The following RPL10A variants were observed in gnomAD, a reference collection of about 807,000 sequenced individuals.
RPL10A encodes large ribosomal subunit protein uL1.
In RPL10A, 11 loss-of-function variants were observed where a neutral mutation model predicts 24.6. The observed-to-expected ratio is 0.45, with a 90% CI of 0.28 to 0.74. The LOEUF (loss-of-function observed/expected upper bound fraction) is 0.74, where lower values mean the gene tolerates loss of function less well. Among genes scored for constraint, RPL10A ranks in the 30% least tolerant of loss-of-function variants. RPL10A has a pLI of 0.13. For synonymous variants in RPL10A, 98 were observed against 108.5 expected (o/e 0.90, Z 0.60); for missense variants, 136 against 273.1 (o/e 0.50, Z 3.54).
intron 3 of RPL10A, 27 bp from the exon 4 acceptor site, chr6:35,469,354 C>G (rs1767974368): frequency 1.3e-6 from 2 of 1,579,808 alleles, no homozygotes; most frequent in Admixed American, 1.9e-5. Context: ...TAGGCGTAAC[C>G]TGTTGGTGCT....
At chr6:35,469,615 A>G in intron 4 of RPL10A, 86 bp downstream of exon 4, 3 of 1,432,328 alleles carry the variant, frequency 2.1e-6, no homozygotes, top group Non-Finnish European at 1.9e-6. Context: ...TTTTTAAATG[A>G]TGAGGGGCCT....
At chr6:35,469,913 G>C (rs1158849953) in intron 4 of RPL10A, among the ~76,000 whole-genome samples, 1 of 152,156 alleles carries the variant, frequency 6.6e-6, no homozygotes, top group East Asian at 1.9e-4. Flanking sequence ...AGGCAGTCTT[G>C]ACCAGAGCAT....
Position 35,470,629 on chromosome 6 carries a change from A to C in RPL10A, c.533A>C (p.Glu178Ala). The C allele has an allele frequency of 6.2e-7, 1 of 1,613,890 alleles. No individual in the cohort carries two copies. Among genetic ancestry groups the C allele is most frequent in the East Asian group, 2.2e-5 (1 of 44,884 alleles). The change falls in exon 6 of 6, where the codon GAG (glutamate) becomes GCG (alanine). Residue 178 changes from glutamate (E) to alanine (A), a missense_variant. By Grantham distance (107) the Glu-to-Ala change is moderately radical. Around this residue, in one of 3 missense-constraint regions of RPL10A, gnomAD observed 48 missense variants for 105.9 expected, o/e 0.45. Coordinates refer to ENST00000322203, the MANE Select transcript of RPL10A (RefSeq NM_007104.5). This position sits in a 1 kb window ranked among gnomAD's most constrained non-coding sequence, Gnocchi z 4.6. The stretch of plus-strand genomic sequence containing the variant: ...GGTCACGTGAAGATGACAGACGATG[A>C]GCTTGTGTATAACATTCACCTGGCT... The part of the protein sequence containing the change: ...AVGHVKMTDD[E>A]LVYNIHLAVN...
Position 35,470,052 on chromosome 6 carries a change from C to G in RPL10A, c.311-127C>G, listed in dbSNP as rs1246668753. 6 of 833,692 alleles carry G rather than the reference C, an allele frequency of 7.2e-6. No homozygotes were observed. The Admixed American group carries it at 7.9e-5, about 11-fold the overall frequency. The allele number at this position is 833,692 out of a possible 1,614,324, so 51.6% of individuals were successfully genotyped here. A position where few individuals can be genotyped will look rare whatever the true frequency, so the allele number is the denominator to read the frequency against. ...GCTAGGGAAAAGACTGAGGCGGGGT[C>G]TTAGAGAGGGTGCTGCTTGGAGGTC... On this transcript the variant is annotated intron_variant, in intron 4 of 5. Coordinates refer to ENST00000322203, the MANE Select transcript of RPL10A (RefSeq NM_007104.5). The surrounding 1 kb of genome is among the most constrained non-coding windows in gnomAD (Gnocchi z 4.6).
intron 4 of RPL10A, 102 bp downstream of exon 4, chr6:35,469,631 A>G: frequency 7.4e-7 from 1 of 1,347,668 alleles, no homozygotes; most frequent in Non-Finnish European, 1.0e-6. Flanking sequence ...GGCCTAGAAT[A>G]GCAAAGGATC....
rs531978741 is a variant in RPL10A, at chr6:35,469,846, T to G, written c.310+317T>G. Among the ~76,000 whole-genome samples, 334 of 152,284 alleles carry G rather than the reference T, an allele frequency of 2.2e-3. 1 individual carries two copies. The highest frequency in any genetic ancestry group is 5.5e-3 in the African/African-American group (228 of 41,562). ...TGCTTTTACAGGTAGGAAGCAGACA[T>G]TCCCAGTTGTCACGTGTCCAGGGTC... On this transcript the variant is annotated intron_variant, in intron 4 of 5. Coordinates refer to ENST00000322203, the MANE Select transcript of RPL10A (RefSeq NM_007104.5).
rs777112217 is a variant in RPL10A, at chr6:35,468,979, T to C, written c.113T>C (p.Leu38Ser). The C allele has an allele frequency of 6.2e-7, 1 of 1,613,602 alleles. No individual in the cohort carries two copies. Among genetic ancestry groups the C allele is most frequent in the Non-Finnish European group, 8.5e-7 (1 of 1,179,886 alleles). Residue 38 changes from leucine (L) to serine (S), a missense_variant, in exon 3 of 6, where the codon TTG becomes TCG. Leu to Ser is a moderately radical substitution (Grantham distance 145). Coordinates refer to ENST00000322203, the MANE Select transcript of RPL10A (RefSeq NM_007104.5). ...GAGACGGTGGAGTTGCAGATCAGCT[T>C]GAAGAACTATGATCCCCAGAAGGAC... ...FLETVELQIS[L>S]KNYDPQKDKR... is the part of the protein sequence containing the mutation.
chr6:35,468,533 G>A, intron 1 of RPL10A, 94 bp downstream of exon 1: 1 of 1,608,624 alleles, frequency 6.2e-7, no homozygotes. Flanking sequence ...GCGGACCCTT[G>A]CGCCACCTGC....
At chr6:35,469,713 G>T (rs556586628) in intron 4 of RPL10A, among the ~76,000 whole-genome samples, 184 bp downstream of exon 4, 2 of 152,188 alleles carry the variant, frequency 1.3e-5, no homozygotes, top group Admixed American at 6.5e-5. Context: ...TTGCTATGAG[G>T]ATTCCAGTTG....
In RPL10A at chr6:35,470,586, T is replaced by C; in HGVS notation, c.490T>C (p.Cys164Arg). The change falls in exon 6 of 6, where the codon TGT becomes CGT. Residue 164 changes from cysteine to arginine, a missense_variant. Cys to Arg is a radical substitution (Grantham distance 180). Transcript: ENST00000322203. This position sits in a 1 kb window ranked among gnomAD's most constrained non-coding sequence, Gnocchi z 4.6. ...CTCTCTTCCCTCCTCCCAGGTGTTA[T>C]GTCTGGCTGTAGCTGTTGGTCACGT... ...TIKFQMKKVL[C>R]LAVAVGHVKM... 1.9e-6 allele frequency: 3 copies of C among 1,613,822 alleles called. No individual in the cohort carries two copies. Among genetic ancestry groups the C allele is most frequent in the Non-Finnish European group, 2.5e-6 (3 of 1,179,756 alleles).
At chr6:35,468,627 C>A (rs999445728) in intron 1 of RPL10A, 172 bp from the exon 2 acceptor site, 1 of 1,523,368 alleles carries the variant, frequency 6.6e-7, no homozygotes, top group African/African-American at 1.4e-5. Flanking sequence ...CCTCTTCCAC[C>A]GGGGCTTGGG....
chr6:35,469,181 C>G (rs1215081061), intron 3 of RPL10A, 154 bp downstream of exon 3: 3 of 1,466,342 alleles, frequency 2.0e-6, no homozygotes, highest in Non-Finnish European at 1.8e-6. Flanking sequence ...GACGGACCCC[C>G]ACCCTGGGTC....
chr6:35,470,214 C>T lies in RPL10A; in HGVS notation c.346C>T (p.Leu116=), dbSNP rs779237815. ...KYDAFLASES[L]IKQIPRILGP... ...TGATGCGTTTTTGGCCTCAGAGTCTCTGATCAAGCAGATTCCACGAATCCT... is the reference window on the plus strand; with the variant it reads ...TGATGCGTTTTTGGCCTCAGAGTCTTTGATCAAGCAGATTCCACGAATCCT... Residue 116 remains leucine (L), a synonymous_variant, in exon 5 of 6, where the codon CTG becomes TTG. Transcript: ENST00000322203. The surrounding 1 kb of genome is among the most constrained non-coding windows in gnomAD (Gnocchi z 4.6). 6.2e-7 allele frequency: 1 copy of T among 1,613,486 alleles called. No homozygotes were observed. Among genetic ancestry groups the T allele is most frequent in the South Asian group, 1.1e-5 (1 of 91,072 alleles).
intron 3 of RPL10A, 165 bp from the exon 4 acceptor site, chr6:35,469,216 T>G: frequency 6.8e-7 from 1 of 1,476,060 alleles, no homozygotes. Flanking sequence ...GAGGCGTGGG[T>G]AGGCCTCGGC....
At chr6:35,468,517 C>T (rs1226330731) in intron 1 of RPL10A, 78 bp downstream of exon 1, 3 of 1,611,688 alleles carry the variant, frequency 1.9e-6, no homozygotes, top group East Asian at 2.2e-5. Flanking sequence ...TCCTGTAGGC[C>T]GCGCCGCGGA....
At chr6:35,468,661 C>G (rs1767920209) in intron 1 of RPL10A, 138 bp from the exon 2 acceptor site, 2 of 1,515,694 alleles carry the variant, frequency 1.3e-6, no homozygotes, top group Non-Finnish European at 8.8e-7. Context: ...TCCCGTCGCT[C>G]TACTTGGTGT....
chr6:35,468,563 GGCGGGTCGGCCT>G, intron 1 of RPL10A, 124 bp downstream of exon 1: 4 of 1,597,186 alleles, frequency 2.5e-6, no homozygotes, highest in Non-Finnish European at 3.4e-6. Flanking sequence ...CATTTCTCAA[GGCGGGTCGGCCT>G]GCGGGTCGCC....
Position 35,470,648 on chromosome 6 carries a change from C to T in RPL10A, c.552C>T (p.His184=), listed in dbSNP as rs761555516. 7.4e-6 allele frequency: 12 copies of T among 1,613,670 alleles called. No individual in the cohort carries two copies. Among genetic ancestry groups the T allele is most frequent in the South Asian group, 1.1e-5 (1 of 91,082 alleles). ...MTDDELVYNI[H]LAVNFLVSLL... Reference sequence around the variant, plus strand: ...ACGATGAGCTTGTGTATAACATTCACCTGGCTGTCAACTTCTTGGTGTCAT... The same window carrying T: ...ACGATGAGCTTGTGTATAACATTCATCTGGCTGTCAACTTCTTGGTGTCAT... Residue 184 remains histidine (H), a synonymous_variant, in exon 6 of 6, where the codon CAC becomes CAT. Transcript: ENST00000322203. This position sits in a 1 kb window ranked among gnomAD's most constrained non-coding sequence, Gnocchi z 4.6.
intron 4 of RPL10A, among the ~76,000 whole-genome samples, chr6:35,469,858 A>G (rs542939270): frequency 6.6e-6 from 1 of 152,276 alleles, no homozygotes; most frequent in Non-Finnish European, 1.5e-5. Flanking sequence ...CCCAGTTGTC[A>G]CGTGTCCAGG....
Sources: allele counts gnomAD v4.1 joint callset (sites outside exome capture counted in the v4.1 genomes callset), GRCh38; gene constraint gnomAD v4.1.1; regional missense constraint gnomAD v4.1.1; non-coding constraint Gnocchi (gnomAD v3.1); transcripts MANE v1.5; gene names NCBI Gene and HGNC (gene_info 2026-07-23, HGNC 2026-07-21).